The following ZNF627 variants were observed in gnomAD, a reference collection of about 807,000 sequenced individuals.
ZNF627 encodes zinc finger protein 627.
A neutral mutation model predicts 10.6 loss-of-function variants in ZNF627; 12 were observed. The ratio of observed to expected loss-of-function variants is 1.13; its 90% CI spans 0.73 to 1.84. ZNF627 has a LOEUF of 1.84. ZNF627 is among the 40% of genes most tolerant of loss of function. The probability of loss-of-function intolerance (pLI) is 0.00; values close to 1 mark genes in which losing one functional copy is unlikely to be tolerated. For missense variants in ZNF627, 504 were observed against 568.4 expected, an observed-to-expected ratio of 0.89 and a Z score of 1.15; for synonymous variants, 176 against 187.1, an observed-to-expected ratio of 0.94 and a Z score of 0.48.
At chr19:11,609,341 T>C (rs1973725316) in intron 1 of ZNF627, among the ~76,000 whole-genome samples, 1 of 151,876 alleles carries the variant, frequency 6.6e-6, no homozygotes, top group Non-Finnish European at 1.5e-5. Context: ...TGGTTAATTT[T>C]ATCTTCAAGT....
chr19:11,611,534 A>C (rs981932046), intron 1 of ZNF627, among the ~76,000 whole-genome samples: 14 of 152,214 alleles, frequency 9.2e-5, no homozygotes, highest in African/African-American at 2.9e-4. Flanking sequence ...TGTTTTATCC[A>C]AGAAATCAAT....
rs1973508357 is a variant in ZNF627, at chr19:11,597,537, A to G, written c.-91A>G. 7.9e-7 allele frequency: 1 copy of G among 1,261,232 alleles called. No homozygotes were observed. 78.1% of individuals were successfully genotyped at this position (1,261,232 alleles called of 1,614,324 possible). On this transcript the variant is annotated 5_prime_UTR_variant, in exon 1 of 4. Coordinates refer to ENST00000361113, the MANE Select transcript of ZNF627 (RefSeq NM_145295.4). Reference sequence around the variant, plus strand: ...GCGTCTCCGTTTCTCCGAGAGGCCCAAGGTGTCTCCGCCGCAGCCTCTGTC... The same window carrying G: ...GCGTCTCCGTTTCTCCGAGAGGCCCGAGGTGTCTCCGCCGCAGCCTCTGTC...
chr19:11,616,537 C>G (rs1973870551), intron 3 of ZNF627, among the ~76,000 whole-genome samples, 158 bp from the exon 4 acceptor site: 2 of 152,254 alleles, frequency 1.3e-5, no homozygotes, highest in South Asian at 4.1e-4. Context: ...GTGAGAGGAT[C>G]CCTTGAGCCT....
intron 1 of ZNF627, among the ~76,000 whole-genome samples, chr19:11,606,429 G>A (rs1170282699): frequency 6.6e-6 from 1 of 152,108 alleles, no homozygotes; most frequent in Non-Finnish European, 1.5e-5. Context: ...CCTCAACCTT[G>A]GGCACCTCTG....
At chr19:11,604,333 G>A (rs1973638102) in intron 1 of ZNF627, 1 of 152,162 alleles carries the variant, frequency 6.6e-6, no homozygotes, top group Non-Finnish European at 1.5e-5. Context: ...CTCCATCAGG[G>A]TGGGGGCTGA....
chr19:11,614,291 C>T (rs535221529), intron 1 of ZNF627, among the ~76,000 whole-genome samples: 1 of 152,308 alleles, frequency 6.6e-6, no homozygotes, highest in East Asian at 1.9e-4. Context: ...CCAGGCAGTA[C>T]ATACTTCTCC....
intron 1 of ZNF627, among the ~76,000 whole-genome samples, chr19:11,602,450 G>A (rs937915950): frequency 3.3e-5 from 5 of 152,164 alleles, no homozygotes; most frequent in African/African-American, 1.2e-4. Context: ...CAAAAGACGG[G>A]GGAGTTTCTT....
chr19:11,614,304 C>T (rs1364236538), intron 1 of ZNF627, among the ~76,000 whole-genome samples: 1 of 152,198 alleles, frequency 6.6e-6, no homozygotes, highest in East Asian at 1.9e-4. Context: ...ACTTCTCCCA[C>T]CAGAGAGGCA....
intron 1 of ZNF627, among the ~76,000 whole-genome samples, chr19:11,603,110 G>GT (rs926518722): frequency 4.6e-5 from 7 of 151,906 alleles, no homozygotes; most frequent in South Asian, 2.1e-4. Context: ...GCCAAAAAGA[G>GT]TTTTTTTTTG....
chr19:11,598,516 A>G (rs1973531282), intron 1 of ZNF627, among the ~76,000 whole-genome samples: 1 of 152,190 alleles, frequency 6.6e-6, no homozygotes, highest in African/African-American at 2.4e-5. Flanking sequence ...ACAGCCCTCT[A>G]ATTGTCTCCA....
At chr19:11,600,245 C>A (rs1973561723) in intron 1 of ZNF627, among the ~76,000 whole-genome samples, 1 of 151,904 alleles carries the variant, frequency 6.6e-6, no homozygotes, top group African/African-American at 2.4e-5. Flanking sequence ...TCGAGACCAT[C>A]CTGGCTAACA....
chr19:11,600,710 C>G (rs79092645), intron 1 of ZNF627, among the ~76,000 whole-genome samples: 61 of 152,270 alleles, frequency 4.0e-4, no homozygotes, highest in Non-Finnish European at 8.1e-4. Flanking sequence ...GGGTGGCAAA[C>G]TTGTGACAGT....
intron 1 of ZNF627, among the ~76,000 whole-genome samples, chr19:11,611,916 TTTGA>T (rs1346639908): frequency 1.3e-5 from 2 of 152,118 alleles, no homozygotes; most frequent in Admixed American, 6.6e-5. Flanking sequence ...AAAATTTTAG[TTTGA>T]TTATGTGGCA....
rs1413995869 is a variant in ZNF627, at chr19:11,609,495, AT to A, written c.4-5031del. On this transcript the variant is annotated intron_variant, in intron 1 of 3. Transcript: ENST00000361113. ...TTTATATATATATATATATATATAT[AT>A]ATATATATATATATATATATATGTA... Among the ~76,000 whole-genome samples the A allele has an allele frequency of 1.7e-3, 41 of 23,558 alleles. 1 individual carries two copies. Among genetic ancestry groups the A allele is most frequent in the Non-Finnish European group, 3.1e-4 (4 of 12,880 alleles). 15.5% of individuals were successfully genotyped at this position (23,558 alleles called of 152,430 possible).
chr19:11,616,794 A>G lies in ZNF627; in HGVS notation c.291A>G (p.Gly97=), dbSNP rs766305647. 1.2e-5 allele frequency: 20 copies of G among 1,613,966 alleles called. No individual in the cohort carries two copies. The highest frequency in any genetic ancestry group is 1.4e-5 in the Non-Finnish European group (17 of 1,180,012). The part of the protein sequence containing the change: ...PDGILNKKTP[G]VKPCESSVCG... ...GTATTCTGAACAAGAAAACTCCTGG[A>G]GTAAAACCGTGTGAAAGCAGTGTGT... is the stretch of plus-strand genomic sequence containing the variant. The change falls in exon 4 of 4, where the codon GGA becomes GGG. Residue 97 remains glycine (G), a synonymous_variant. Transcript: ENST00000361113.
Position 11,617,028 on chromosome 19 carries a change from C to G in ZNF627, c.525C>G (p.Thr175=), listed in dbSNP as rs745755032. ...ATGATTGTAAGGAATGTGGAGAAAC[C>G]TTTATTTCTCTTGTAAGCATTCGAA... ...KPYDCKECGE[T]FISLVSIRRH... is the part of the protein sequence containing the mutation. The change falls in exon 4 of 4, where the codon ACC becomes ACG. Residue 175 remains threonine, a synonymous_variant. Coordinates refer to ENST00000361113, the MANE Select transcript of ZNF627 (RefSeq NM_145295.4). 3.1e-6 allele frequency: 5 copies of G among 1,614,006 alleles called. No homozygotes were observed. In the Admixed American group the frequency reaches 8.3e-5, roughly 27 times the overall value.
At chr19:11,604,987 G>A (rs1973648780) in intron 1 of ZNF627, among the ~76,000 whole-genome samples, 2 of 151,922 alleles carry the variant, frequency 1.3e-5, no homozygotes, top group African/African-American at 4.8e-5. Flanking sequence ...CCAGTGCCAA[G>A]CCCTAGTCAA....
chr19:11,609,167 A>C (rs4804608), intron 1 of ZNF627, among the ~76,000 whole-genome samples: 34,473 of 151,844 alleles, frequency 0.23, 4,126 homozygotes, highest in Admixed American at 0.29. Flanking sequence ...CACCATGTCC[A>C]ACAATTTATT....
chr19:11,617,440 G>T lies in ZNF627; in HGVS notation c.937G>T (p.Gly313Trp). 1 of 1,613,912 alleles carries T rather than the reference G, an allele frequency of 6.2e-7. No homozygotes were observed. The highest frequency in any genetic ancestry group is 8.5e-7 in the Non-Finnish European group (1 of 1,180,004). ...GEKLFECKEC[G>W]KALTCLASVR... ...GAAACTTTTTGAATGTAAGGAATGCGGGAAGGCTTTGACTTGTCTTGCAAG... is the reference window on the plus strand; with the variant it reads ...GAAACTTTTTGAATGTAAGGAATGCTGGAAGGCTTTGACTTGTCTTGCAAG... Residue 313 changes from glycine to tryptophan, a missense_variant, in exon 4 of 4, where the codon GGG (glycine) becomes TGG (tryptophan). Gly to Trp is a radical substitution (Grantham distance 184). Coordinates refer to ENST00000361113, the MANE Select transcript of ZNF627 (RefSeq NM_145295.4).
Sources: allele counts gnomAD v4.1 joint callset (sites outside exome capture counted in the v4.1 genomes callset), GRCh38; gene constraint gnomAD v4.1.1; transcripts MANE v1.5; gene names NCBI Gene and HGNC (gene_info 2026-07-23, HGNC 2026-07-21).